Variants in PPP3CC observed in about 807,000 individuals in gnomAD.
PPP3CC encodes the protein protein phosphatase 3 catalytic subunit gamma.
PPP3CC carries 35 observed loss-of-function variants against 60.3 expected under a neutral mutation model. That is an observed-to-expected ratio of 0.58 (90% CI 0.44 to 0.77). PPP3CC has a LOEUF of 0.77. Ranked by LOEUF, PPP3CC falls within the 30% of genes least tolerant of loss-of-function variation. The probability of loss-of-function intolerance (pLI) is 0.00; values close to 1 mark genes in which losing one functional copy is unlikely to be tolerated. For missense variants in PPP3CC, 570 were observed against 628.9 expected (o/e 0.91, Z 1.00); for synonymous variants, 206 against 224.3 (o/e 0.92, Z 0.73).
chr8:22,494,473 C>G (rs1382782073), intron 3 of PPP3CC, among the ~76,000 whole-genome samples: 1 of 152,148 alleles, frequency 6.6e-6, no homozygotes, highest in African/African-American at 2.4e-5. Context: ...CACTGCCAAA[C>G]CATATCAGCC....
In PPP3CC at chr8:22,467,972, C is replaced by T. The variant is rs373854446; in HGVS notation, c.50-6982C>T. On this transcript the variant is annotated intron_variant, in intron 1 of 13. Transcript: ENST00000240139. ...GCCATTCATGAGGGCAGAGTCCTTA[C>T]GACCTAATAATTTCCCAGATATTCC... Among the ~76,000 whole-genome samples, 20 of 152,320 alleles carry T rather than the reference C, an allele frequency of 1.3e-4. No individual in the cohort carries two copies. In the South Asian group the frequency reaches 1.9e-3, roughly 14 times the overall value.
At chr8:22,475,185 G>A (rs1423059804) in intron 2 of PPP3CC, 34 bp downstream of exon 2, 5 of 1,553,792 alleles carry the variant, frequency 3.2e-6, no homozygotes, top group East Asian at 2.3e-5. Context: ...CTTTTTTACA[G>A]TATAGATTTG....
intron 4 of PPP3CC, among the ~76,000 whole-genome samples, chr8:22,509,233 C>A (rs1276091029): frequency 2.6e-5 from 4 of 152,208 alleles, no homozygotes; most frequent in Non-Finnish European, 5.9e-5. Flanking sequence ...TCATTCTTCA[C>A]TTTATTCCCC....
At chr8:22,445,552 G>A (rs2132421247) in intron 1 of PPP3CC, among the ~76,000 whole-genome samples, 1 of 152,210 alleles carries the variant, frequency 6.6e-6, no homozygotes, top group East Asian at 1.9e-4. Flanking sequence ...ACATATTAAA[G>A]CTTTTGTTAT....
chr8:22,447,175 ATTTTTTT>A lies in PPP3CC; in HGVS notation c.49+5733_49+5739del, dbSNP rs1161858120. The stretch of plus-strand genomic sequence containing the variant: ...TAGCATACGCCACCGTGTCCAACTA[ATTTTTTT>A]TTTTTTTTTTTTTTTGTGACAGAGT... On this transcript the variant is annotated intron_variant, in intron 1 of 13. Transcript: ENST00000240139. 3.4e-4 allele frequency among the ~76,000 whole-genome samples: 40 copies of A among 116,298 alleles called. No homozygotes were observed. In the South Asian group the frequency reaches 7.3e-3, roughly 21 times the overall value. 76.3% of individuals were successfully genotyped at this position (116,298 alleles called of 152,430 possible).
In PPP3CC at chr8:22,481,067, G is replaced by T. The variant is rs190089846; in HGVS notation, c.372+5443G>T. Among the ~76,000 whole-genome samples the T allele has an allele frequency of 3.9e-5, 6 of 152,324 alleles. 1 individual carries two copies. Among genetic ancestry groups the T allele is most frequent in the African/African-American group, 1.2e-4 (5 of 41,576 alleles). ...AATGGTCATTTGGCTGTGCGCAGTG[G>T]CTCATGCCTGTAATCCCACACTTGG... is the stretch of plus-strand genomic sequence containing the variant. On this transcript the variant is annotated intron_variant, in intron 3 of 13. Coordinates refer to ENST00000240139, the MANE Select transcript of PPP3CC (RefSeq NM_005605.5).
intron 1 of PPP3CC, among the ~76,000 whole-genome samples, chr8:22,457,789 T>C (rs577725549): frequency 1.1e-4 from 17 of 152,372 alleles, no homozygotes; most frequent in African/African-American, 4.1e-4. Flanking sequence ...GTAGAATAAA[T>C]GTGTTAAACT....
intron 1 of PPP3CC, among the ~76,000 whole-genome samples, chr8:22,462,997 T>G (rs1428709936): frequency 6.6e-6 from 1 of 152,206 alleles, no homozygotes; most frequent in African/African-American, 2.4e-5. Context: ...TTTTTTTTCC[T>G]TTAATTTGGA....
intron 3 of PPP3CC, among the ~76,000 whole-genome samples, chr8:22,491,099 A>G (rs573305242): frequency 1.3e-3 from 203 of 152,298 alleles, no homozygotes; most frequent in African/African-American, 4.5e-3. Flanking sequence ...GTGGACACCT[A>G]GTTTACCTCC....
intron 6 of PPP3CC, among the ~76,000 whole-genome samples, chr8:22,514,434 G>A (rs777242810): frequency 5.5e-4 from 84 of 151,480 alleles, no homozygotes; most frequent in Non-Finnish European, 1.0e-3. Context: ...CTTTGATTTC[G>A]CCATTACTTT....
rs752770167 is a variant in PPP3CC at position 22,540,809 on chromosome 8, G to A, written c.*7G>A. 1.9e-6 allele frequency: 3 copies of A among 1,595,562 alleles called. No homozygotes were observed. The highest frequency in any genetic ancestry group is 2.6e-6 in the Non-Finnish European group (3 of 1,170,488). On this transcript the variant is annotated 3_prime_UTR_variant, in exon 14 of 14. Transcript: ENST00000240139. The stretch of plus-strand genomic sequence containing the variant: ...GAAGAAAGCCCATTCATGACTTAGA[G>A]TCCTGCCGTGGCTCAGGTGGATCTA...
At position 22,493,156 on chromosome 8, in the gene PPP3CC, G is replaced by C. The variant is rs1457099685; in HGVS notation, c.373-4845G>C. 7 of 1,397,040 alleles carry C rather than the reference G, an allele frequency of 5.0e-6. 1 individual carries two copies. In the South Asian group the frequency reaches 6.9e-5, roughly 14 times the overall value. The allele number at this position is 1,397,040 out of a possible 1,614,324, so 86.5% of individuals were successfully genotyped here. A position where few individuals can be genotyped will look rare whatever the true frequency, so the allele number is the denominator to read the frequency against. ...GAAGATAAAACTTGAAGAAGTTATT[G>C]GGAGCTGCTATTTTATATTATGACT... On this transcript the variant is annotated intron_variant, in intron 3 of 13. Transcript: ENST00000240139.
chr8:22,498,126 C>A lies in PPP3CC; in HGVS notation c.484+14C>A. On this transcript the variant is annotated intron_variant, in intron 4 of 13. Coordinates refer to ENST00000240139, the MANE Select transcript of PPP3CC (RefSeq NM_005605.5). ...TCAAACAGGAATGTAAGTATAATCA[C>A]TCCTCTAGAACCTTTTTAGTTACCC... is the stretch of plus-strand genomic sequence containing the variant. 1.3e-6 allele frequency: 2 copies of A among 1,545,154 alleles called. No homozygotes were observed. Among genetic ancestry groups the A allele is most frequent in the Non-Finnish European group, 8.9e-7 (1 of 1,118,928 alleles).
chr8:22,449,447 C>CA (rs35113938), intron 1 of PPP3CC, among the ~76,000 whole-genome samples: 1,410 of 58,444 alleles, frequency 0.024, 10 homozygotes, highest in East Asian at 0.059. Flanking sequence ...GACCCCATCT[C>CA]AAAAAAAAAA....
rs761611048 is a variant in PPP3CC at position 22,511,240 on chromosome 8, T to A, written c.630+9T>A. 6.2e-7 allele frequency: 1 copy of A among 1,605,366 alleles called. No homozygotes were observed. Among genetic ancestry groups the A allele is most frequent in the South Asian group, 1.1e-5 (1 of 90,600 alleles). On this transcript the variant is annotated intron_variant, in intron 5 of 13. Transcript: ENST00000240139. The stretch of plus-strand genomic sequence containing the variant: ...TAGATGACATTAGGAAAGTAAGTAA[T>A]CTTTTATTATTCTCACAGGGAATAT...
At chr8:22,510,866 C>A in intron 4 of PPP3CC, 1 of 498,076 alleles carries the variant, frequency 2.0e-6, no homozygotes, top group Non-Finnish European at 3.6e-6. Context: ...AGCAACAGAG[C>A]TGGAAAGTTA....
chr8:22,447,180 T>C, intron 1 of PPP3CC, among the ~76,000 whole-genome samples: 1 of 131,390 alleles, frequency 7.6e-6, no homozygotes, highest in African/African-American at 2.7e-5. Context: ...AACTAATTTT[T>C]TTTTTTTTTT....
chr8:22,449,813 C>T (rs7828610), intron 1 of PPP3CC, among the ~76,000 whole-genome samples: 79,116 of 150,768 alleles, frequency 0.52, 21,487 homozygotes, highest in East Asian at 0.68. Context: ...CAGTTGACAT[C>T]AATTTCATTA....
At chr8:22,457,251 C>T (rs1395720932) in intron 1 of PPP3CC, among the ~76,000 whole-genome samples, 3 of 151,356 alleles carry the variant, frequency 2.0e-5, no homozygotes, top group African/African-American at 4.9e-5. Context: ...TAGAGTGCTG[C>T]TGTAACAAAC....
Sources: allele counts gnomAD v4.1 joint callset (sites outside exome capture counted in the v4.1 genomes callset), GRCh38; gene constraint gnomAD v4.1.1; transcripts MANE v1.5; gene names NCBI Gene and HGNC (gene_info 2026-07-23, HGNC 2026-07-21).